FCSK: variants seen among roughly 807,000 people sequenced by gnomAD.
FCSK encodes the protein fucose kinase, also known as L-fucose kinase.
A neutral mutation model predicts 122.5 loss-of-function variants in FCSK; 123 were observed. The observed-to-expected ratio is 1.00, with a 90% CI of 0.87 to 1.17. The LOEUF (loss-of-function observed/expected upper bound fraction) is 1.17. Ranked by LOEUF, FCSK falls within the 50% of genes most tolerant of loss-of-function variation. FCSK has a pLI of 0.00. For synonymous variants in FCSK, 620 were observed against 625.5 expected (o/e 0.99, Z 0.13); for missense variants, 1,366 against 1,450.4 (o/e 0.94, Z 0.95).
At position 70,474,229 on chromosome 16, in the gene FCSK, C is replaced by T. The variant is rs371952950; in HGVS notation, c.1878C>T (p.Ser626=). Reference sequence around the variant, plus strand: ...CAGAGGGCCGTGGGGGCTTGCGGAGCGGGCCAGCTGCCAACCCTGAGTGGA... The same window carrying T: ...CAGAGGGCCGTGGGGGCTTGCGGAGTGGGCCAGCTGCCAACCCTGAGTGGA... ...CMAEGRGGLR[S]GPAANPEWMR... is the part of the protein sequence containing the mutation. Residue 626 remains serine (S), a synonymous_variant, in exon 16 of 24, where the codon AGC becomes AGT. Transcript: ENST00000288078. 236 of 1,600,908 alleles carry T rather than the reference C, an allele frequency of 1.5e-4. 1 individual carries two copies. Among genetic ancestry groups the T allele is most frequent in the African/African-American group, 1.1e-3 (84 of 74,772 alleles).
At chr16:70,467,997 T>C in intron 8 of FCSK, 31 bp downstream of exon 8, 1 of 1,555,420 alleles carries the variant, frequency 6.4e-7, no homozygotes. Flanking sequence ...TTGCGGGGCT[T>C]TGGGGACCTT....
At chr16:70,460,597 G>T (rs1345630057) in intron 1 of FCSK, among the ~76,000 whole-genome samples, 1 of 151,834 alleles carries the variant, frequency 6.6e-6, no homozygotes, top group Non-Finnish European at 1.5e-5. Context: ...TAGAGACGGG[G>T]TTTCACCATA....
chr16:70,458,149 TTC>T (rs2048149701), intron 1 of FCSK, among the ~76,000 whole-genome samples: 1 of 151,040 alleles, frequency 6.6e-6, no homozygotes, highest in Non-Finnish European at 1.5e-5. Context: ...TTAATTTTTT[TTC>T]TTTCTTTCTT....
In FCSK at chr16:70,471,253, C is replaced by T. The variant is rs1159543425; in HGVS notation, c.1242C>T (p.Gly414=). ...LDTAHSKALH[G]RELRDLVLQG... The stretch of plus-strand genomic sequence containing the variant: ...CAGCCCACTCCAAGGCCCTGCATGG[C>T]CGGGAGCTGCGTGACCTTGTCCTGC... Residue 414 remains glycine, a synonymous_variant, in exon 13 of 24, where the codon GGC becomes GGT. Transcript: ENST00000288078. The T allele has an allele frequency of 1.9e-6, 3 of 1,610,126 alleles. No homozygotes were observed. Among genetic ancestry groups the T allele is most frequent in the Non-Finnish European group, 2.5e-6 (3 of 1,178,994 alleles).
intron 22 of FCSK, 140 bp from the exon 23 acceptor site, chr16:70,479,040 T>C (rs757274216): frequency 1.2e-4 from 85 of 697,352 alleles, no homozygotes; most frequent in Non-Finnish European, 1.7e-4. Context: ...AGTGGGTTAC[T>C]CCTGGCTCCA....
At position 70,471,061 on chromosome 16, in the gene FCSK, T is replaced by C; in HGVS notation, c.1159T>C (p.Cys387Arg). ...QLGPGSVLQH[C>R]HLQGPIHIGA... is the part of the protein sequence containing the mutation. ...GGGTCCTGGGAGCGTCCTGCAGCAC[T>C]GCCACCTGCAGGTGAGGCCTGAGCG... The change falls in exon 12 of 24, where the codon TGC becomes CGC. Residue 387 changes from cysteine (C) to arginine (R), a missense_variant. Transcript: ENST00000288078. The C allele has an allele frequency of 1.2e-6, 2 of 1,601,182 alleles. No individual in the cohort carries two copies. The highest frequency in any genetic ancestry group is 1.7e-6 in the Non-Finnish European group (2 of 1,176,226).
chr16:70,472,754 A>C, intron 14 of FCSK, 149 bp downstream of exon 14: 1 of 814,270 alleles, frequency 1.2e-6, no homozygotes, highest in Non-Finnish European at 1.9e-6. Context: ...GATTCTCTCC[A>C]GTACTTTCCC....
At chr16:70,466,458 C>A in intron 5 of FCSK, 1 of 614,434 alleles carries the variant, frequency 1.6e-6, no homozygotes, top group Non-Finnish European at 2.7e-6. Context: ...TTTGAGAAGC[C>A]AAAGTGGGAG....
At position 70,475,739 on chromosome 16, in the gene FCSK, G is replaced by A. The variant is rs765132942; in HGVS notation, c.2613G>A (p.Val871=). ...GCACGGAAGCCCTGATCCACGCAGT[G>A]CTGCACCTGGAGCAGGTGCTCACCA... The part of the protein sequence containing the change: ...VVGTEALIHA[V]LHLEQVLTTG... The change falls in exon 20 of 24, where the codon GTG becomes GTA. Residue 871 remains valine (V), a synonymous_variant. Transcript: ENST00000288078. 4.6e-5 allele frequency: 73 copies of A among 1,595,034 alleles called. No individual in the cohort carries two copies. The highest frequency in any genetic ancestry group is 6.1e-5 in the Non-Finnish European group (71 of 1,169,388).
chr16:70,469,548 T>G (rs916538738), intron 10 of FCSK, among the ~76,000 whole-genome samples: 10 of 152,248 alleles, frequency 6.6e-5, no homozygotes, highest in African/African-American at 1.7e-4. Flanking sequence ...TTCTGTTTTT[T>G]TTTGTTTGTT....
rs546703026 is a variant in FCSK, at chr16:70,473,134, C to G, written c.1558C>G (p.Arg520Gly). ...CCAGGAGGATGGGGGCGAGGCCCTGCGAGCCTGGCGGGCCTCCTGGCGCCT... is the reference window on the plus strand; with the variant it reads ...CCAGGAGGATGGGGGCGAGGCCCTGGGAGCCTGGCGGGCCTCCTGGCGCCT... ...DHQEDGGEALRAWRASWRLSW... is the reference protein window; with the variant it reads ...DHQEDGGEALGAWRASWRLSW... Residue 520 changes from arginine (R) to glycine (G), a missense_variant, in exon 15 of 24, where the codon CGA (arginine) becomes GGA (glycine). Transcript: ENST00000288078. The surrounding 1 kb of genome is among the most constrained non-coding windows in gnomAD (Gnocchi z 4.9). 1.3e-6 allele frequency: 2 copies of G among 1,563,904 alleles called. No homozygotes were observed. Among genetic ancestry groups the G allele is most frequent in the Non-Finnish European group, 1.7e-6 (2 of 1,156,494 alleles).
At chr16:70,475,281 C>T (rs566171480) in intron 18 of FCSK, 69 bp from the exon 19 acceptor site, 2 of 1,572,290 alleles carry the variant, frequency 1.3e-6, no homozygotes, top group East Asian at 4.5e-5. Flanking sequence ...GCTGGGAAGT[C>T]CAGGGTGGGT....
chr16:70,464,679 A>G (rs2048362514), intron 3 of FCSK, among the ~76,000 whole-genome samples: 1 of 149,534 alleles, frequency 6.7e-6, no homozygotes, highest in African/African-American at 2.5e-5. Context: ...CATTCTGGGC[A>G]ACAGAGCGAG....
intron 13 of FCSK, 70 bp downstream of exon 13, chr16:70,471,422 C>G (rs1244956279): frequency 2.1e-6 from 3 of 1,446,664 alleles, no homozygotes; most frequent in Non-Finnish European, 2.8e-6. Context: ...TCCTGGCCCC[C>G]ACCCCACTGC....
At position 70,466,954 on chromosome 16, in the gene FCSK, G is replaced by C; in HGVS notation, c.484G>C (p.Gly162Arg). 6.2e-7 allele frequency: 1 copy of C among 1,613,690 alleles called. No homozygotes were observed. The highest frequency in any genetic ancestry group is 8.5e-7 in the Non-Finnish European group (1 of 1,179,950). Residue 162 changes from glycine (G) to arginine (R), a missense_variant and splice_region_variant, in exon 6 of 24, where the codon GGT becomes CGT. Coordinates refer to ENST00000288078, the MANE Select transcript of FCSK (RefSeq NM_145059.3). ...GCTGCTGTCTGTTCCTGCAAATCCT[G>C]GTGAGCCTGAGACTACCTGGGACTG... ...DMLLSVPANP[G>R]ISWDSFRGAR...
intron 1 of FCSK, among the ~76,000 whole-genome samples, chr16:70,460,668 G>T (rs947090143): frequency 6.6e-6 from 1 of 152,198 alleles, no homozygotes; most frequent in Non-Finnish European, 1.5e-5. Flanking sequence ...CTCCCAAAGT[G>T]CTGGGATTAC....
rs1477003027 is a variant in FCSK at position 70,470,342 on chromosome 16, C to T, written c.984C>T (p.Tyr328=). 6.2e-7 allele frequency: 1 copy of T among 1,613,672 alleles called. No individual in the cohort carries two copies. The highest frequency in any genetic ancestry group is 8.5e-7 in the Non-Finnish European group (1 of 1,179,930). Residue 328 remains tyrosine (Y), a synonymous_variant, in exon 11 of 24, where the codon TAC becomes TAT. Coordinates refer to ENST00000288078, the MANE Select transcript of FCSK (RefSeq NM_145059.3). ...ATGTCTCCAGCGGCAGCTACAGCTA[C>T]ATGACCTCCTCAGCCAGTGAGTTCC... ...MAYVSSGSYS[Y]MTSSASEFLL... is the part of the protein sequence containing the mutation.
intron 10 of FCSK, among the ~76,000 whole-genome samples, chr16:70,469,596 C>T (rs1597621173): frequency 1.3e-5 from 2 of 152,084 alleles, no homozygotes; most frequent in East Asian, 1.9e-4. Context: ...CTTTGTCGCC[C>T]CGGCTAGAGT....
rs2048452773 is a variant in FCSK, at chr16:70,467,397, G to T, written c.508G>T (p.Gly170Ter). Residue 170 changes from glycine (G) to a stop codon, truncating the protein, a stop_gained, in exon 7 of 24, where the codon GGA becomes TGA. Coordinates refer to ENST00000288078, the MANE Select transcript of FCSK (RefSeq NM_145059.3). LOFTEE classifies it high-confidence loss of function. ...AGGTATCAGCTGGGACAGCTTCCGG[G>T]GAGCCAGAGTGATCGCCCTCCCAGG... The part of the protein sequence containing the change: ...NPGISWDSFR[G>*]ARVIALPGSP... The T allele has an allele frequency of 6.2e-7, 1 of 1,610,298 alleles. No individual in the cohort carries two copies. The highest frequency in any genetic ancestry group is 1.1e-5 in the South Asian group (1 of 90,298).
Sources: allele counts gnomAD v4.1 joint callset (sites outside exome capture counted in the v4.1 genomes callset), GRCh38; gene constraint gnomAD v4.1.1; non-coding constraint Gnocchi (gnomAD v3.1); transcripts MANE v1.5; gene names NCBI Gene and HGNC (gene_info 2026-07-23, HGNC 2026-07-21).